The following KCNH5 variants were observed in gnomAD, a reference collection of about 807,000 sequenced individuals.
The protein encoded by KCNH5 is potassium voltage-gated channel subfamily H member 5, also known as voltage-gated delayed rectifier potassium channel KCNH5.
KCNH5 carries 46 observed loss-of-function variants against 96.1 expected under a neutral mutation model. That is an observed-to-expected ratio of 0.48 (90% CI 0.38 to 0.61). The LOEUF is 0.61. Among genes scored for constraint, KCNH5 ranks in the 20% least tolerant of loss-of-function variants. The pLI, the probability that KCNH5 is intolerant of heterozygous loss-of-function variation, is 0.00. For synonymous variants in KCNH5, 439 were observed against 449.8 expected (o/e 0.98, Z 0.30); for missense variants, 907 against 1,225.8 (o/e 0.74, Z 3.88).
chr14:62,948,799 A>T (rs1252995928), intron 7 of KCNH5, among the ~76,000 whole-genome samples: 1 of 146,292 alleles, frequency 6.8e-6, no homozygotes, highest in Non-Finnish European at 1.5e-5. Flanking sequence ...CACATCAAAA[A>T]GCTTATCCAC....
intron 9 of KCNH5, among the ~76,000 whole-genome samples, chr14:62,800,203 T>C (rs1319148915): frequency 6.6e-6 from 1 of 152,024 alleles, no homozygotes; most frequent in African/African-American, 2.4e-5. Flanking sequence ...TTTGACTCAT[T>C]AAGCACAAGA....
At chr14:63,009,821 G>A (rs761163426) in intron 2 of KCNH5, among the ~76,000 whole-genome samples, 2 of 152,132 alleles carry the variant, frequency 1.3e-5, no homozygotes, top group Non-Finnish European at 2.9e-5. Flanking sequence ...ACAGGTTCCT[G>A]AAGCCTGACT....
intron 10 of KCNH5, among the ~76,000 whole-genome samples, chr14:62,771,378 G>T (rs530744784): frequency 6.6e-6 from 1 of 152,168 alleles, no homozygotes; most frequent in African/African-American, 2.4e-5. Context: ...TGTAATCCCA[G>T]CACTTTGGGA....
chr14:62,938,901 T>C (rs1286263699), intron 7 of KCNH5, among the ~76,000 whole-genome samples: 2 of 152,274 alleles, frequency 1.3e-5, no homozygotes, highest in African/African-American at 2.4e-5. Flanking sequence ...GTCTATGTTA[T>C]GCATCTAATA....
intron 10 of KCNH5, among the ~76,000 whole-genome samples, chr14:62,732,611 C>G (rs1042069674): frequency 6.6e-6 from 1 of 152,160 alleles, no homozygotes; most frequent in Non-Finnish European, 1.5e-5. Context: ...CTATCCAGAG[C>G]TACTCCCCAC....
intron 6 of KCNH5, among the ~76,000 whole-genome samples, chr14:62,959,768 A>G (rs1890172219): frequency 6.6e-6 from 1 of 152,022 alleles, no homozygotes; most frequent in Admixed American, 6.6e-5. Context: ...GTTTTTATCA[A>G]TACATAATTT....
chr14:62,930,641 G>A (rs1889563348), intron 7 of KCNH5, among the ~76,000 whole-genome samples: 1 of 152,046 alleles, frequency 6.6e-6, no homozygotes, highest in South Asian at 2.1e-4. Flanking sequence ...CCTGTAACAG[G>A]TTTACCAACA....
At chr14:62,850,032 G>A (rs1338306643) in intron 7 of KCNH5, among the ~76,000 whole-genome samples, 180 bp from the exon 8 acceptor site, 2 of 152,164 alleles carry the variant, frequency 1.3e-5, no homozygotes, top group South Asian at 4.1e-4. Context: ...ATTACCTGCA[G>A]TAGGAGAAAC....
intron 6 of KCNH5, among the ~76,000 whole-genome samples, chr14:62,974,643 T>C (rs1890468306): frequency 6.6e-6 from 1 of 152,148 alleles, no homozygotes; most frequent in Admixed American, 6.5e-5. Flanking sequence ...TAAAGAACGT[T>C]ATTAAGTCTT....
At position 62,835,889 on chromosome 14, in the gene KCNH5, G is replaced by T. The variant is rs1288285322; in HGVS notation, c.1569+13764C>A. Among the ~76,000 whole-genome samples, 10 of 151,876 alleles carry T rather than the reference G, an allele frequency of 6.6e-5. No individual in the cohort carries two copies. The East Asian group carries it at 1.7e-3, about 26-fold the overall frequency. ...TGCCCTCAAAAAAAACGAAATAAAT[G>T]AAATTCTTCCTCTGTACATTTGTAG... On this transcript the variant is annotated intron_variant, in intron 8 of 10. Transcript: ENST00000322893.
intron 8 of KCNH5, among the ~76,000 whole-genome samples, chr14:62,826,281 T>C (rs1187144642): frequency 2.0e-5 from 3 of 152,136 alleles, no homozygotes; most frequent in Non-Finnish European, 2.9e-5. Flanking sequence ...TCATGTTCTT[T>C]ATGCAGCCAA....
intron 8 of KCNH5, among the ~76,000 whole-genome samples, chr14:62,827,242 T>C (rs917442242): frequency 3.3e-5 from 5 of 152,200 alleles, no homozygotes; most frequent in African/African-American, 7.2e-5. Flanking sequence ...TAGCAATGTT[T>C]CCCCAATAAT....
chr14:62,707,780 A>T lies in KCNH5; in HGVS notation c.2695T>A (p.Tyr899Asn). ...PIQADAKHPF[Y>N]PIPEQALQTT... ...TGTAAGGCCTGCTCGGGGATGGGATAAAAGGGGTGCTTGGCATCAGCCTGG... is the reference window on the plus strand; with the variant it reads ...TGTAAGGCCTGCTCGGGGATGGGATTAAAGGGGTGCTTGGCATCAGCCTGG... The change falls in exon 11 of 11, where the codon TAT (tyrosine) becomes AAT (asparagine). Residue 899 changes from tyrosine to asparagine, a missense_variant. Tyr to Asn is a moderately radical substitution (Grantham distance 143). This residue lies in a region of KCNH5 where 362 missense variants were observed against 394.4 expected (regional missense o/e 0.92). Coordinates refer to ENST00000322893, the MANE Select transcript of KCNH5 (RefSeq NM_139318.5). 1 of 1,614,150 alleles carries T rather than the reference A, an allele frequency of 6.2e-7. No homozygotes were observed. Among genetic ancestry groups the T allele is most frequent in the Non-Finnish European group, 8.5e-7 (1 of 1,180,032 alleles).
At chr14:62,806,266 G>C (rs1010798624) in intron 8 of KCNH5, among the ~76,000 whole-genome samples, 1 of 152,098 alleles carries the variant, frequency 6.6e-6, no homozygotes, top group Non-Finnish European at 1.5e-5. Context: ...AGCAGCCCTT[G>C]GGGCTGCTCT....
intron 7 of KCNH5, among the ~76,000 whole-genome samples, chr14:62,891,225 A>G (rs1270878639): frequency 6.6e-6 from 1 of 152,242 alleles, no homozygotes; most frequent in Non-Finnish European, 1.5e-5. Flanking sequence ...TTATTCAGCC[A>G]TAAAAAACAA....
intron 10 of KCNH5, among the ~76,000 whole-genome samples, chr14:62,761,791 G>GA (rs1284353978): frequency 6.6e-6 from 1 of 152,176 alleles, no homozygotes; most frequent in Non-Finnish European, 1.5e-5. Flanking sequence ...ATGCAGCCAA[G>GA]AAAAGCATCT....
At chr14:62,802,068 G>A (rs954671542) in intron 9 of KCNH5, among the ~76,000 whole-genome samples, 2 of 152,058 alleles carry the variant, frequency 1.3e-5, no homozygotes, top group African/African-American at 2.4e-5. Flanking sequence ...GGCACGTTAG[G>A]CTGCGACCAC....
intron 5 of KCNH5, among the ~76,000 whole-genome samples, chr14:62,985,083 G>A (rs1204475213): frequency 6.6e-6 from 1 of 152,162 alleles, no homozygotes; most frequent in Non-Finnish European, 1.5e-5. Context: ...ACTTTAGGCA[G>A]AAGAGGAACT....
intron 4 of KCNH5, among the ~76,000 whole-genome samples, chr14:63,000,419 T>C (rs1465244871): frequency 2.6e-5 from 4 of 152,130 alleles, no homozygotes; most frequent in Admixed American, 6.5e-5. Context: ...ATAAATTACA[T>C]AGAAAAGGAG....
Sources: gnomAD v4.1 joint callset for allele counts (sites outside exome capture counted in the v4.1 genomes callset) on GRCh38, gnomAD v4.1.1 for gene constraint, gnomAD v4.1.1 regional missense constraint, MANE v1.5 for transcripts, NCBI Gene and HGNC (gene_info 2026-07-23, HGNC 2026-07-21) for gene names.